Variants in ZBTB20 observed in about 807,000 individuals in gnomAD.
The protein encoded by ZBTB20 is zinc finger and BTB domain-containing protein 20.
ZBTB20 carries 9 observed loss-of-function variants against 56.9 expected under a neutral mutation model. The ratio of observed to expected loss-of-function variants is 0.16; its 90% CI spans 0.10 to 0.28. ZBTB20 has a LOEUF of 0.28. Among genes scored for constraint, ZBTB20 ranks in the 10% least tolerant of loss-of-function variants. ZBTB20 has a pLI of 1.00. For synonymous variants in ZBTB20, 417 were observed against 420.7 expected (o/e 0.99, Z 0.11); for missense variants, 655 against 1,003.0 (o/e 0.65, Z 4.69).
intron 6 of ZBTB20, among the ~76,000 whole-genome samples, chr3:114,618,314 A>G (rs2058081229): frequency 6.7e-6 from 1 of 149,144 alleles, no homozygotes; most frequent in Non-Finnish European, 1.5e-5. Context: ...TAGTGGTGCA[A>G]TCATAGCTCA....
chr3:115,115,724 CAA>C (rs371940349), intron 1 of ZBTB20, among the ~76,000 whole-genome samples: 9 of 152,016 alleles, frequency 5.9e-5, no homozygotes, highest in African/African-American at 2.2e-4. Flanking sequence ...TTTAAATCCC[CAA>C]AAGTCTTCTA....
chr3:114,957,039 A>G (rs1560436034), intron 3 of ZBTB20, among the ~76,000 whole-genome samples: 1 of 152,210 alleles, frequency 6.6e-6, no homozygotes, highest in Non-Finnish European at 1.5e-5. Context: ...CAAAGGTGGC[A>G]GTTAGGCTTT....
intron 4 of ZBTB20, among the ~76,000 whole-genome samples, chr3:114,823,576 A>G (rs2073366042): frequency 6.6e-6 from 1 of 152,090 alleles, no homozygotes; most frequent in Admixed American, 6.6e-5. Context: ...GCATTTTAAA[A>G]CTTATGCTAA....
At chr3:114,546,502 C>T (rs1042127389) in intron 6 of ZBTB20, among the ~76,000 whole-genome samples, 3 of 151,346 alleles carry the variant, frequency 2.0e-5, no homozygotes, top group Non-Finnish European at 1.5e-5. Flanking sequence ...CTAGTCTGGA[C>T]TAGTGGGTTA....
intron 1 of ZBTB20, among the ~76,000 whole-genome samples, chr3:115,125,926 AGAAGT>A (rs1395738870): frequency 3.3e-5 from 5 of 152,222 alleles, no homozygotes; most frequent in African/African-American, 1.2e-4. Context: ...ATGCCCTAAA[AGAAGT>A]GAAAAGACAA....
chr3:114,738,629 T>C (rs1292062129), intron 5 of ZBTB20, among the ~76,000 whole-genome samples: 1 of 152,166 alleles, frequency 6.6e-6, no homozygotes, highest in Non-Finnish European at 1.5e-5. Flanking sequence ...AAAAATTCAT[T>C]TTAGTTTTGT....
chr3:114,329,709 G>GAAAAAAAAAAAAA lies in ZBTB20; in HGVS notation c.*9283_*9295dup, dbSNP rs57058775. The GAAAAAAAAAAAAA allele has an allele frequency of 4.7e-5, 3 of 63,926 alleles. No homozygotes were observed. The East Asian group carries it at 1.6e-3, about 34-fold the overall frequency. 4.0% of individuals were successfully genotyped at this position (63,926 alleles called of 1,614,324 possible). A position where few individuals can be genotyped will look rare whatever the true frequency, so the allele number is the denominator to read the frequency against. On this transcript the variant is annotated 3_prime_UTR_variant, in exon 12 of 12. Coordinates refer to ENST00000675478, the MANE Select transcript of ZBTB20 (RefSeq NM_001348800.3). ...TGAAACTCTGGTTTTACTTTTTTTG[G>GAAAAAAAAAAAAA]AAAAAAAAAAAAAAAAAAAAAAAAA...
At chr3:114,745,238 C>G (rs1343923521) in intron 5 of ZBTB20, among the ~76,000 whole-genome samples, 1 of 152,162 alleles carries the variant, frequency 6.6e-6, no homozygotes, top group Non-Finnish European at 1.5e-5. Context: ...CAACTACACA[C>G]CAGACCCGTC....
At chr3:114,346,938 T>G (rs1470952331) in intron 11 of ZBTB20, among the ~76,000 whole-genome samples, 1 of 151,950 alleles carries the variant, frequency 6.6e-6, no homozygotes, top group East Asian at 1.9e-4. Context: ...CACCCACCTT[T>G]ACCTCCCAAA....
At chr3:114,928,388 G>T (rs966359712) in intron 3 of ZBTB20, among the ~76,000 whole-genome samples, 1 of 149,324 alleles carries the variant, frequency 6.7e-6, no homozygotes, top group Non-Finnish European at 1.5e-5. Flanking sequence ...GAACCTCAAG[G>T]TTCTTCAATG....
intron 2 of ZBTB20, among the ~76,000 whole-genome samples, chr3:115,003,416 TTTTTG>T (rs2079334638): frequency 6.8e-6 from 1 of 146,096 alleles, no homozygotes; most frequent in African/African-American, 2.4e-5. Flanking sequence ...CCAGGTTTTT[TTTTTG>T]TTTGTTTTTT....
At chr3:114,760,971 G>A (rs1270407558) in intron 5 of ZBTB20, among the ~76,000 whole-genome samples, 1 of 152,114 alleles carries the variant, frequency 6.6e-6, no homozygotes, top group African/African-American at 2.4e-5. Context: ...GAGTGCAAAT[G>A]TTAAATGAGA....
At chr3:114,554,314 G>GT (rs1324870308) in intron 6 of ZBTB20, among the ~76,000 whole-genome samples, 1 of 152,134 alleles carries the variant, frequency 6.6e-6, no homozygotes, top group African/African-American at 2.4e-5. Context: ...AGGAGATGAG[G>GT]TAATATATAA....
At chr3:114,463,854 C>T (rs12487110) in intron 7 of ZBTB20, among the ~76,000 whole-genome samples, 100,267 of 152,158 alleles carry the variant, frequency 0.66, 36,283 homozygotes, top group Non-Finnish European at 0.82. Flanking sequence ...TGCATTGTTG[C>T]TATTTAGATA....
At chr3:114,597,634 T>C (rs1043795384) in intron 6 of ZBTB20, among the ~76,000 whole-genome samples, 1 of 152,094 alleles carries the variant, frequency 6.6e-6, no homozygotes, top group African/African-American at 2.4e-5. Context: ...CAAAAGCACA[T>C]GGGTAAGTTT....
chr3:114,633,257 T>A (rs2059067996), intron 6 of ZBTB20, among the ~76,000 whole-genome samples: 1 of 152,204 alleles, frequency 6.6e-6, no homozygotes, highest in Non-Finnish European at 1.5e-5. Context: ...CTGCTGGGCC[T>A]ACAGTCAAAT....
At chr3:114,915,981 C>G (rs1417341101) in intron 3 of ZBTB20, among the ~76,000 whole-genome samples, 1 of 151,790 alleles carries the variant, frequency 6.6e-6, no homozygotes, top group Non-Finnish European at 1.5e-5. Context: ...TCTTAGGTAT[C>G]CTTGAGAATG....
intron 4 of ZBTB20, among the ~76,000 whole-genome samples, chr3:114,879,290 T>C (rs1465199670): frequency 2.0e-5 from 3 of 152,166 alleles, no homozygotes; most frequent in Non-Finnish European, 4.4e-5. Context: ...AGAAGAAGCC[T>C]GAGTTATGGG....
At chr3:114,763,945 A>G (rs903972269) in intron 5 of ZBTB20, among the ~76,000 whole-genome samples, 1 of 152,222 alleles carries the variant, frequency 6.6e-6, no homozygotes. Flanking sequence ...AATGTTTTCA[A>G]GCATATTCAG....
Sources: gnomAD v4.1 joint callset for allele counts (sites outside exome capture counted in the v4.1 genomes callset) on GRCh38, gnomAD v4.1.1 for gene constraint, MANE v1.5 for transcripts, NCBI Gene and HGNC (gene_info 2026-07-23, HGNC 2026-07-21) for gene names.